Variants in HIVEP1 observed in about 807,000 individuals in gnomAD.
The protein encoded by HIVEP1 is zinc finger protein 40.
Under a neutral mutation model 180.0 loss-of-function variants are expected in HIVEP1, and 36 were observed. The ratio of observed to expected loss-of-function variants is 0.20; its 90% confidence interval spans 0.15 to 0.26. HIVEP1 has a LOEUF of 0.26. HIVEP1 is among the 10% of genes least tolerant of loss of function. The probability of loss-of-function intolerance (pLI) is 1.00; values close to 1 mark genes in which losing one functional copy is unlikely to be tolerated. For missense variants in HIVEP1, 3,143 were observed against 3,268.7 expected, an observed-to-expected ratio of 0.96 and a Z score of 0.94; for synonymous variants, 1,239 against 1,239.0, an observed-to-expected ratio of 1.00 and a Z score of 0.00.
chr6:12,157,692 C>T (rs1760139330), intron 7 of HIVEP1, among the ~76,000 whole-genome samples: 1 of 151,920 alleles, frequency 6.6e-6, no homozygotes, highest in South Asian at 2.1e-4. Context: ...AATTGTGTCC[C>T]CATTTATTCT....
chr6:12,051,728 C>T (rs916672857), intron 2 of HIVEP1, among the ~76,000 whole-genome samples: 28 of 147,308 alleles, frequency 1.9e-4, no homozygotes, highest in African/African-American at 5.4e-4. Flanking sequence ...ACTAAAATTA[C>T]TTTATTAGGT....
At chr6:12,103,530 C>T (rs1470756106) in intron 3 of HIVEP1, among the ~76,000 whole-genome samples, 1 of 151,452 alleles carries the variant, frequency 6.6e-6, no homozygotes, top group Non-Finnish European at 1.5e-5. Context: ...TAGACAACTG[C>T]ATGAATGGCT....
chr6:12,072,996 G>T (rs60982132), intron 2 of HIVEP1, among the ~76,000 whole-genome samples: 1 of 151,724 alleles, frequency 6.6e-6, no homozygotes, highest in African/African-American at 2.4e-5. Flanking sequence ...TGTGATTTGC[G>T]TGCCTAATAA....
chr6:12,058,034 C>T (rs933685944), intron 2 of HIVEP1, among the ~76,000 whole-genome samples: 4 of 152,138 alleles, frequency 2.6e-5, no homozygotes, highest in Admixed American at 1.3e-4. Flanking sequence ...TTGTGGCTTT[C>T]TTGCTAAACA....
intron 2 of HIVEP1, among the ~76,000 whole-genome samples, chr6:12,058,864 A>C (rs1274251891): frequency 6.6e-6 from 1 of 152,176 alleles, no homozygotes; most frequent in Non-Finnish European, 1.5e-5. Context: ...AAGTATGTAC[A>C]TATGTATTGA....
rs1775475607 is a variant in HIVEP1, at chr6:12,120,137, A to G, written c.342A>G (p.Glu114=). The change falls in exon 4 of 9, where the codon GAA becomes GAG. Residue 114 remains glutamate (E), a synonymous_variant. Transcript: ENST00000379388. ...NGKQFTKQNG[E]TPGIIAEASK... ...AGCAGTTTACCAAACAAAATGGAGA[A>G]ACACCTGGAATAATTGCTGAAGCCT... is the stretch of plus-strand genomic sequence containing the variant. 4 of 1,613,976 alleles carry G rather than the reference A, an allele frequency of 2.5e-6. No homozygotes were observed. Among genetic ancestry groups the G allele is most frequent in the African/African-American group, 2.7e-5 (2 of 75,040 alleles).
At chr6:12,028,963 A>T (rs529219668) in intron 2 of HIVEP1, among the ~76,000 whole-genome samples, 21 of 152,326 alleles carry the variant, frequency 1.4e-4, no homozygotes, top group African/African-American at 5.1e-4. Flanking sequence ...TACAGTATAT[A>T]GTTTTTACAT....
intron 2 of HIVEP1, among the ~76,000 whole-genome samples, chr6:12,035,876 T>G (rs1485240028): frequency 6.6e-6 from 1 of 152,156 alleles, no homozygotes; most frequent in Non-Finnish European, 1.5e-5. Context: ...AAATATAAAC[T>G]GCTTATTTCA....
chr6:12,046,158 G>T (rs1770101952), intron 2 of HIVEP1, among the ~76,000 whole-genome samples: 1 of 152,132 alleles, frequency 6.6e-6, no homozygotes, highest in Non-Finnish European at 1.5e-5. Flanking sequence ...AATTACCTTT[G>T]TAGATTTTAT....
intron 2 of HIVEP1, 107 bp downstream of exon 2, chr6:12,015,775 AG>A: frequency 2.0e-6 from 2 of 976,046 alleles, no homozygotes; most frequent in Non-Finnish European, 3.2e-6. Flanking sequence ...CTGCCTGGTG[AG>A]GAGCGCTATT....
chr6:12,187,981 G>C, the HIVEP1 span, among the ~76,000 whole-genome samples: 1 of 152,160 alleles, frequency 6.6e-6, no homozygotes, highest in Non-Finnish European at 1.5e-5. Context: ...CTCATTAAAA[G>C]CAATACAAGA....
chr6:12,169,308 T>A (rs1760838013), downstream of HIVEP1, among the ~76,000 whole-genome samples: 1 of 152,202 alleles, frequency 6.6e-6, no homozygotes, highest in Non-Finnish European at 1.5e-5. Context: ...ATATATTGGA[T>A]TCCTAGTCTT....
At chr6:12,154,416 A>C (rs754107107) in intron 7 of HIVEP1, among the ~76,000 whole-genome samples, 22 of 152,176 alleles carry the variant, frequency 1.4e-4, no homozygotes, top group Non-Finnish European at 1.2e-4. Flanking sequence ...CTTACTTTCC[A>C]TGCCCTTAGC....
chr6:12,130,899 C>T lies in HIVEP1; in HGVS notation c.6342C>T (p.Arg2114=). 6.2e-7 allele frequency: 1 copy of T among 1,612,550 alleles called. No individual in the cohort carries two copies. Among genetic ancestry groups the T allele is most frequent in the South Asian group, 1.1e-5 (1 of 90,968 alleles). The change falls in exon 6 of 9, where the codon CGC becomes CGT. Residue 2114 remains arginine (R), a synonymous_variant. Coordinates refer to ENST00000379388, the MANE Select transcript of HIVEP1 (RefSeq NM_002114.4). Reference sequence around the variant, plus strand: ...ACATACGAACCCATACAGATGTCCGCCCCTACCACTGCACTTACTGTAACT... The same window carrying T: ...ACATACGAACCCATACAGATGTCCGTCCCTACCACTGCACTTACTGTAACT... ...KKHIRTHTDV[R]PYHCTYCNFS... is the part of the protein sequence containing the mutation.
intron 2 of HIVEP1, among the ~76,000 whole-genome samples, chr6:12,077,489 G>A (rs7770934): frequency 0.18 from 26,796 of 152,048 alleles, 2,496 homozygotes; most frequent in Middle Eastern, 0.29. Flanking sequence ...GTCATCTTTC[G>A]TAGGCATGTG....
chr6:12,060,544 T>A (rs780291861), intron 2 of HIVEP1, among the ~76,000 whole-genome samples: 4 of 152,044 alleles, frequency 2.6e-5, no homozygotes, highest in African/African-American at 4.8e-5. Context: ...GTTTCTTGAC[T>A]GTCATAATGG....
downstream of HIVEP1, among the ~76,000 whole-genome samples, chr6:12,165,926 CA>C (rs1760689586): frequency 2.0e-5 from 3 of 152,212 alleles, no homozygotes; most frequent in African/African-American, 7.2e-5. Flanking sequence ...TTAGGATCTC[CA>C]AGGTGTGCTG....
the HIVEP1 span, among the ~76,000 whole-genome samples, chr6:12,180,812 T>G: frequency 6.6e-6 from 1 of 152,198 alleles, no homozygotes; most frequent in Non-Finnish European, 1.5e-5. Context: ...ATATCTTTGT[T>G]TTCATTTGTG....
intron 2 of HIVEP1, among the ~76,000 whole-genome samples, chr6:12,078,635 AC>A: frequency 3.1e-5 from 1 of 32,626 alleles, no homozygotes; most frequent in Non-Finnish European, 5.2e-5. Context: ...ACATATATAT[AC>A]ACACACACAC....
Sources: gnomAD v4.1 joint callset for allele counts (sites outside exome capture counted in the v4.1 genomes callset) on GRCh38, gnomAD v4.1.1 for gene constraint, MANE v1.5 for transcripts, NCBI Gene and HGNC (gene_info 2026-07-23, HGNC 2026-07-21) for gene names.